The following AGBL4 variants were observed in gnomAD, a reference collection of about 807,000 sequenced individuals.
AGBL4 encodes AGBL carboxypeptidase 4, also known as cytosolic carboxypeptidase 6.
Under a neutral mutation model 66.4 loss-of-function variants are expected in AGBL4, and 58 were observed. The observed-to-expected ratio is 0.87, with a 90% CI of 0.71 to 1.09. AGBL4 has a LOEUF of 1.09. Among genes scored for constraint, AGBL4 ranks in the 50% least tolerant of loss-of-function variants. AGBL4 has a pLI of 0.00. For synonymous variants in AGBL4, 234 were observed against 222.9 expected (o/e 1.05, Z -0.44); for missense variants, 579 against 631.0 (o/e 0.92, Z 0.88).
intron 3 of AGBL4, among the ~76,000 whole-genome samples, chr1:49,430,930 T>C (rs1285611823): frequency 6.6e-6 from 1 of 152,220 alleles, no homozygotes; most frequent in Non-Finnish European, 1.5e-5. Flanking sequence ...CAATATTATG[T>C]TTGTGAAATG....
At position 48,904,489 on chromosome 1, in the gene AGBL4, C is replaced by T. The variant is rs72893773; in HGVS notation, c.595-37259G>A. The stretch of plus-strand genomic sequence containing the variant: ...CAGTTTAAGACAAGTTTCTGAGATG[C>T]ATGGCCTGTGTCTTCAGAAGGCAGT... On this transcript the variant is annotated intron_variant, in intron 5 of 13. Transcript: ENST00000371839. Among the ~76,000 whole-genome samples, 238 of 152,240 alleles carry T rather than the reference C, an allele frequency of 1.6e-3. 4 individuals carry two copies. Among genetic ancestry groups the T allele is most frequent in the African/African-American group, 5.6e-3 (231 of 41,538 alleles).
chr1:49,584,135 T>G (rs1297901767), intron 3 of AGBL4, among the ~76,000 whole-genome samples: 1 of 152,196 alleles, frequency 6.6e-6, no homozygotes, highest in East Asian at 1.9e-4. Flanking sequence ...CTTACTGACT[T>G]TAGCTTCCAG....
chr1:49,809,263 C>G (rs796975415), intron 2 of AGBL4, among the ~76,000 whole-genome samples: 2 of 151,808 alleles, frequency 1.3e-5, no homozygotes, highest in Middle Eastern at 3.4e-3. Flanking sequence ...CCCATTAACT[C>G]GTCATTTACA....
In AGBL4 at chr1:49,209,086, C is replaced by A. The variant is rs377623464; in HGVS notation, c.377+36684G>T. 8.5e-5 allele frequency among the ~76,000 whole-genome samples: 13 copies of A among 152,220 alleles called. No homozygotes were observed. In the East Asian group the frequency reaches 1.9e-3, roughly 23 times the overall value. ...GTTCACCCATGGGGACCCTGGAAAT[C>A]ATTTAATCCAGCACTAACACATATA... On this transcript the variant is annotated intron_variant, in intron 4 of 13. Transcript: ENST00000371839.
At chr1:48,998,079 A>G (rs1261011639) in intron 5 of AGBL4, among the ~76,000 whole-genome samples, 1 of 152,250 alleles carries the variant, frequency 6.6e-6, no homozygotes, top group Non-Finnish European at 1.5e-5. Context: ...TTGAAGACTG[A>G]AGCCAAACTA....
intron 6 of AGBL4, among the ~76,000 whole-genome samples, chr1:48,672,010 A>G (rs1646285023): frequency 6.6e-6 from 1 of 152,250 alleles, no homozygotes; most frequent in African/African-American, 2.4e-5. Flanking sequence ...TTTTGCAACA[A>G]GGACAACAAA....
chr1:49,179,511 G>T (rs1569957471), intron 4 of AGBL4, among the ~76,000 whole-genome samples: 1 of 151,828 alleles, frequency 6.6e-6, no homozygotes, highest in East Asian at 1.9e-4. Flanking sequence ...AAGATACTTG[G>T]TGAAAGTTTG....
intron 4 of AGBL4, among the ~76,000 whole-genome samples, chr1:49,163,716 T>G (rs1646581756): frequency 1.3e-5 from 2 of 152,162 alleles, no homozygotes; most frequent in African/African-American, 4.8e-5. Flanking sequence ...TTTTAGGATA[T>G]TTCCTGAAAG....
intron 6 of AGBL4, among the ~76,000 whole-genome samples, chr1:48,703,074 G>A (rs966682105): frequency 2.0e-5 from 3 of 152,124 alleles, no homozygotes; most frequent in African/African-American, 7.2e-5. Flanking sequence ...CAAAAAATGG[G>A]CCTTTAAAGA....
chr1:49,176,925 T>C (rs566055821), intron 4 of AGBL4, among the ~76,000 whole-genome samples: 1 of 152,166 alleles, frequency 6.6e-6, no homozygotes, highest in South Asian at 2.1e-4. Flanking sequence ...CATGATGTGC[T>C]CCCATATTAA....
chr1:50,023,750 C>T lies in AGBL4; in HGVS notation c.34+13G>A. 2 of 1,548,168 alleles carry T rather than the reference C, an allele frequency of 1.3e-6. No homozygotes were observed. Among genetic ancestry groups the T allele is most frequent in the Non-Finnish European group, 1.7e-6 (2 of 1,145,512 alleles). On this transcript the variant is annotated intron_variant, in intron 1 of 13. Coordinates refer to ENST00000371839, the MANE Select transcript of AGBL4 (RefSeq NM_032785.4). ...CCGCCTCAGCCTTCCCCAGATCGGC[C>T]GCCCCCACAGACCTGCCTCAGGCGC...
intron 6 of AGBL4, chr1:48,776,829 CAT>C: frequency 2.0e-6 from 3 of 1,503,124 alleles, no homozygotes; most frequent in Non-Finnish European, 2.7e-6. Context: ...CAAAGGCGTA[CAT>C]GGTGGGCGCC....
intron 5 of AGBL4, among the ~76,000 whole-genome samples, chr1:48,998,495 T>C (rs530623232): frequency 2.0e-5 from 3 of 152,280 alleles, no homozygotes; most frequent in Admixed American, 6.5e-5. Context: ...CTGCAATAAA[T>C]ACCAGGCATG....
intron 3 of AGBL4, among the ~76,000 whole-genome samples, chr1:49,269,462 T>A (rs966378219): frequency 6.6e-6 from 1 of 152,216 alleles, no homozygotes; most frequent in African/African-American, 2.4e-5. Flanking sequence ...AGAATTTGAA[T>A]TGATACAACC....
chr1:49,231,626 A>G (rs954836326), intron 4 of AGBL4, among the ~76,000 whole-genome samples: 4 of 152,312 alleles, frequency 2.6e-5, no homozygotes, highest in Non-Finnish European at 5.9e-5. Context: ...ATGCAGGTGC[A>G]CATACACATT....
At chr1:49,707,050 T>G (rs1647259300) in intron 2 of AGBL4, among the ~76,000 whole-genome samples, 1 of 152,162 alleles carries the variant, frequency 6.6e-6, no homozygotes, top group Non-Finnish European at 1.5e-5. Context: ...TCTGTACATG[T>G]CTATTAGGTC....
intron 1 of AGBL4, among the ~76,000 whole-genome samples, chr1:50,005,877 A>G (rs1022254585): frequency 8.7e-4 from 132 of 152,374 alleles, no homozygotes; most frequent in African/African-American, 3.1e-3. Flanking sequence ...AGAATGCATC[A>G]GAGTCTCTTA....
intron 3 of AGBL4, among the ~76,000 whole-genome samples, chr1:49,686,503 A>G (rs919271392): frequency 7.9e-5 from 12 of 152,204 alleles, no homozygotes; most frequent in Non-Finnish European, 1.6e-4. Flanking sequence ...TAATCACAAA[A>G]ACTGAAAACA....
chr1:49,347,756 A>G (rs1645664059), intron 3 of AGBL4, among the ~76,000 whole-genome samples: 1 of 151,666 alleles, frequency 6.6e-6, no homozygotes, highest in Admixed American at 6.6e-5. Context: ...GCTACTCGGG[A>G]GGCTGCAGCA....
Sources: allele counts gnomAD v4.1 joint callset (sites outside exome capture counted in the v4.1 genomes callset), GRCh38; gene constraint gnomAD v4.1.1; transcripts MANE v1.5; gene names NCBI Gene and HGNC (gene_info 2026-07-23, HGNC 2026-07-21).